The following RTN1 variants were observed in gnomAD, a reference collection of about 807,000 sequenced individuals.
The protein encoded by RTN1 is reticulon 1.
In RTN1, 25 loss-of-function variants were observed where a neutral mutation model predicts 65.5. The ratio of observed to expected loss-of-function variants is 0.38; its 90% confidence interval spans 0.28 to 0.53. The LOEUF (loss-of-function observed/expected upper bound fraction) is 0.53. RTN1 is among the 20% of genes least tolerant of loss of function. The probability of loss-of-function intolerance (pLI) is 0.79; values close to 1 mark genes in which losing one functional copy is unlikely to be tolerated. For missense variants in RTN1, 983 were observed against 1,025.4 expected (o/e 0.96, Z 0.57); for synonymous variants, 471 against 447.6 (o/e 1.05, Z -0.66).
At chr14:59,717,274 G>A (rs1884556662) in intron 3 of RTN1, among the ~76,000 whole-genome samples, 1 of 152,182 alleles carries the variant, frequency 6.6e-6, no homozygotes, top group Non-Finnish European at 1.5e-5. Flanking sequence ...GCTCAGCCAA[G>A]AGTTGTAAGA....
intron 3 of RTN1, among the ~76,000 whole-genome samples, chr14:59,722,506 G>A (rs768087724): frequency 6.6e-6 from 1 of 152,134 alleles, no homozygotes; most frequent in Non-Finnish European, 1.5e-5. Context: ...CAGAGAGTAA[G>A]AGGAGAACCA....
intron 8 of RTN1, among the ~76,000 whole-genome samples, chr14:59,596,993 A>G (rs967202574): frequency 1.3e-5 from 2 of 152,242 alleles, no homozygotes; most frequent in African/African-American, 4.8e-5. Context: ...CAGCAACAAA[A>G]AAGAGAATTG....
At chr14:59,691,447 C>A (rs1957986) in intron 3 of RTN1, among the ~76,000 whole-genome samples, 103,260 of 151,904 alleles carry the variant, frequency 0.68, 35,515 homozygotes, top group African/African-American at 0.78. Flanking sequence ...GTAATTAAAA[C>A]ATGTACCAAC....
intron 1 of RTN1, among the ~76,000 whole-genome samples, chr14:59,767,571 C>A (rs745688926): frequency 6.6e-6 from 1 of 152,088 alleles, no homozygotes; most frequent in African/African-American, 2.4e-5. Context: ...GCAAATAAAA[C>A]GACTGAGAAT....
chr14:59,740,914 T>C (rs756215244), intron 2 of RTN1, among the ~76,000 whole-genome samples: 4 of 151,190 alleles, frequency 2.6e-5, no homozygotes, highest in Admixed American at 2.0e-4. Context: ...TCAGATAAAA[T>C]AGGAAAATTG....
At chr14:59,730,344 C>A (rs1224190374) in intron 2 of RTN1, among the ~76,000 whole-genome samples, 1 of 152,008 alleles carries the variant, frequency 6.6e-6, no homozygotes, top group African/African-American at 2.4e-5. Context: ...GAAATTAAAC[C>A]CCTACCTCAT....
rs1279776241 is a variant in RTN1, at chr14:59,666,658, G to T, written c.1766-59166C>A. 3.9e-5 allele frequency among the ~76,000 whole-genome samples: 6 copies of T among 151,948 alleles called. No homozygotes were observed. The East Asian group carries it at 5.8e-4, about 15-fold the overall frequency. On this transcript the variant is annotated intron_variant, in intron 3 of 8. Coordinates refer to ENST00000267484, the MANE Select transcript of RTN1 (RefSeq NM_021136.3). Reference sequence around the variant, plus strand: ...AAAAAATCAATGAATCCAGGAGATGGTTTTTTCAAAAGATCAACAAAATTG... The same window carrying T: ...AAAAAATCAATGAATCCAGGAGATGTTTTTTTCAAAAGATCAACAAAATTG...
At chr14:59,861,827 C>A (rs950566365) in intron 1 of RTN1, among the ~76,000 whole-genome samples, 11 of 152,096 alleles carry the variant, frequency 7.2e-5, no homozygotes, top group Non-Finnish European at 1.6e-4. Context: ...TTCTTAATTT[C>A]TTTAACTATC....
chr14:59,688,643 T>C (rs1883896889), intron 3 of RTN1, among the ~76,000 whole-genome samples: 1 of 152,188 alleles, frequency 6.6e-6, no homozygotes, highest in Admixed American at 6.5e-5. Flanking sequence ...GGCTTGAGGT[T>C]GAACTGCACA....
chr14:59,730,728 G>A (rs1566702586), intron 2 of RTN1, among the ~76,000 whole-genome samples: 1 of 152,064 alleles, frequency 6.6e-6, no homozygotes, highest in Non-Finnish European at 1.5e-5. Context: ...TTTACAAATG[G>A]CCAAAATGCA....
chr14:59,827,101 CAG>C lies in RTN1; in HGVS notation c.241+43287_241+43288del, dbSNP rs1178421955. 4.6e-5 allele frequency among the ~76,000 whole-genome samples: 7 copies of C among 151,880 alleles called. 1 individual carries two copies. The East Asian group carries it at 9.7e-4, about 21-fold the overall frequency. ...TGTTGTTGTTGTTGTTGTTTTGAGA[CAG>C]AGTCTCGCTCTGTCACCCAGGCTGG... is the stretch of plus-strand genomic sequence containing the variant. On this transcript the variant is annotated intron_variant, in intron 1 of 8. Transcript: ENST00000267484.
At chr14:59,750,035 ATATATTATATAT>A (rs1885413516) in intron 1 of RTN1, among the ~76,000 whole-genome samples, 1 of 32,918 alleles carries the variant, frequency 3.0e-5, no homozygotes, top group Non-Finnish European at 4.4e-5. Flanking sequence ...TATTATATAC[ATATATTATATAT>A]TATATTATAT....
chr14:59,760,506 T>C (rs1885727032), intron 1 of RTN1, among the ~76,000 whole-genome samples: 1 of 152,198 alleles, frequency 6.6e-6, no homozygotes, highest in South Asian at 2.1e-4. Context: ...AAAACTTTAA[T>C]TTCATTTAAA....
At chr14:59,809,726 T>A (rs753493793) in intron 1 of RTN1, among the ~76,000 whole-genome samples, 1 of 152,102 alleles carries the variant, frequency 6.6e-6, no homozygotes, top group Non-Finnish European at 1.5e-5. Flanking sequence ...CATGTGAAAG[T>A]CTCCTACCTT....
chr14:59,710,736 A>C (rs780724490), intron 3 of RTN1, among the ~76,000 whole-genome samples: 10 of 152,204 alleles, frequency 6.6e-5, no homozygotes, highest in Admixed American at 3.9e-4. Context: ...GCTGATCCAC[A>C]AAGGACAGCC....
intron 3 of RTN1, among the ~76,000 whole-genome samples, chr14:59,635,054 T>C (rs1882633795): frequency 6.6e-6 from 1 of 152,092 alleles, no homozygotes; most frequent in Non-Finnish European, 1.5e-5. Flanking sequence ...AATTCTAGGG[T>C]TATGACAGTC....
At chr14:59,795,743 C>T (rs1263995531) in intron 1 of RTN1, among the ~76,000 whole-genome samples, 1 of 152,044 alleles carries the variant, frequency 6.6e-6, no homozygotes, top group Non-Finnish European at 1.5e-5. Flanking sequence ...ATATGTAGCA[C>T]ATCAGTATCT....
chr14:59,757,672 C>T (rs140587137), intron 1 of RTN1, among the ~76,000 whole-genome samples: 79 of 152,240 alleles, frequency 5.2e-4, no homozygotes, highest in East Asian at 4.8e-3. Flanking sequence ...TACTTGAGGA[C>T]GCAGAGAGGA....
chr14:59,870,632 G>A lies in RTN1; in HGVS notation c.-2C>T. 7.2e-7 allele frequency: 1 copy of A among 1,392,012 alleles called. No homozygotes were observed. Among genetic ancestry groups the A allele is most frequent in the Admixed American group, 3.2e-5 (1 of 31,254 alleles). 86.2% of individuals were successfully genotyped at this position (1,392,012 alleles called of 1,614,324 possible). On this transcript the variant is annotated 5_prime_UTR_variant, in exon 1 of 9. Transcript: ENST00000267484. The surrounding 1 kb of genome is among the most constrained non-coding windows in gnomAD (Gnocchi z 5.1). ...CTGCGGATCCCCCGGCGCGGCCATG[G>A]CTGGCGGTCCCCCGGCGCGGCGACG...
Sources: allele counts gnomAD v4.1 joint callset (sites outside exome capture counted in the v4.1 genomes callset), GRCh38; gene constraint gnomAD v4.1.1; non-coding constraint Gnocchi (gnomAD v3.1); transcripts MANE v1.5; gene names NCBI Gene and HGNC (gene_info 2026-07-23, HGNC 2026-07-21).